The following SCN9A variants were observed in gnomAD, a reference collection of about 807,000 sequenced individuals.
The protein encoded by SCN9A is sodium voltage-gated channel alpha subunit 9, also known as sodium channel protein type 9 subunit alpha.
A neutral mutation model predicts 187.0 loss-of-function variants in SCN9A; 131 were observed. The ratio of observed to expected loss-of-function variants is 0.70; its 90% confidence interval spans 0.61 to 0.81. The LOEUF is 0.81. Ranked by LOEUF, SCN9A falls within the 30% of genes least tolerant of loss-of-function variation. The pLI is 0.00. For missense variants in SCN9A, 2,252 were observed against 2,396.6 expected (o/e 0.94, Z 1.26); for synonymous variants, 809 against 808.6 (o/e 1.00, Z -0.01).
Position 166,210,020 on chromosome 2 carries a change from C to T in SCN9A, c.4399-5556G>A, listed in dbSNP as rs559336165. Among the ~76,000 whole-genome samples the T allele has an allele frequency of 2.6e-3, 392 of 152,142 alleles. 2 individuals are homozygous for T. The highest frequency in any genetic ancestry group is 8.5e-3 in the African/African-American group (352 of 41,522). ...GACGCATGCACACGTATGTTTATTG[C>T]GGCACTATTCACAATAGCAAAGACT... On this transcript the variant is annotated intron_variant, in intron 24 of 26. Transcript: ENST00000642356.
chr2:166,305,563 G>A (rs1698726719), intron 5 of SCN9A, among the ~76,000 whole-genome samples: 1 of 152,072 alleles, frequency 6.6e-6, no homozygotes, highest in Non-Finnish European at 1.5e-5. Context: ...TGAGCATGGA[G>A]GAAGATGATC....
Position 166,251,868 on chromosome 2 carries a change from G to T in SCN9A, c.3369C>A (p.Ser1123Arg). The change falls in exon 18 of 27, where the codon AGC becomes AGA. Residue 1123 changes from serine (S) to arginine (R), a missense_variant. By Grantham distance (110) the Ser-to-Arg change is moderately radical. Transcript: ENST00000642356. ...TATCAACTGTGCTGCACTCTGAGGA[G>T]CTTGACCGGTTTAATCTCTAGAAAG... ...EYSKVRLNRS[S>R]SSECSTVDNP... 6.2e-7 allele frequency: 1 copy of T among 1,612,350 alleles called. No homozygotes were observed.
At chr2:166,244,261 T>C (rs932165578) in intron 18 of SCN9A, among the ~76,000 whole-genome samples, 11 of 151,992 alleles carry the variant, frequency 7.2e-5, no homozygotes, top group Admixed American at 6.6e-5. Flanking sequence ...GTCAGAACAG[T>C]TTTTGAGGTC....
intron 24 of SCN9A, 61 bp downstream of exon 24, chr2:166,226,506 C>A: frequency 1.7e-6 from 2 of 1,188,932 alleles, no homozygotes; most frequent in Non-Finnish European, 2.3e-6. Flanking sequence ...TTTACATTAT[C>A]TTTTTTGGAA....
chr2:166,277,986 A>C (rs910058585), intron 15 of SCN9A, 154 bp downstream of exon 15: 2 of 571,738 alleles, frequency 3.5e-6, no homozygotes, highest in Non-Finnish European at 5.9e-6. Flanking sequence ...TAGTTCTTTA[A>C]GTGCATTTGT....
chr2:166,365,186 G>T (rs1173650374), intron 1 of SCN9A, among the ~76,000 whole-genome samples: 1 of 151,962 alleles, frequency 6.6e-6, no homozygotes, highest in East Asian at 1.9e-4. Flanking sequence ...GAGGTTCCAA[G>T]AATCCAATCC....
In SCN9A at chr2:166,303,223, C is replaced by A; in HGVS notation, c.768G>T (p.Leu256=). The change falls in exon 7 of 27, where the codon CTG becomes CTT. Residue 256 remains leucine, a synonymous_variant. Coordinates refer to ENST00000642356, the MANE Select transcript of SCN9A (RefSeq NM_001365536.1). The part of the protein sequence containing the change: ...SDVMILTVFC[L]SVFALIGLQL... ...GTAGTCCAATTAGTGCAAACACACT[C>A]AGACAGAACACAGTCAGGATCATGA... 3 of 1,613,736 alleles carry A rather than the reference C, an allele frequency of 1.9e-6. No homozygotes were observed. The highest frequency in any genetic ancestry group is 2.5e-6 in the Non-Finnish European group (3 of 1,179,770).
Position 166,300,503 on chromosome 2 carries a change from A to G in SCN9A, c.901+2587T>C, listed in dbSNP as rs182594729. Among the ~76,000 whole-genome samples the G allele has an allele frequency of 3.3e-4, 50 of 151,030 alleles. 5 individuals carry two copies. Among genetic ancestry groups the G allele is most frequent in the Admixed American group, 1.1e-3 (17 of 15,262 alleles). ...GACTCACTTCCTTTGCATGGCATTT[A>G]TTATAACTTGAGATATTTTTAATTT... On this transcript the variant is annotated intron_variant, in intron 7 of 26. Transcript: ENST00000642356.
chr2:166,220,880 T>A (rs1010238583), intron 24 of SCN9A, among the ~76,000 whole-genome samples: 3 of 152,264 alleles, frequency 2.0e-5, no homozygotes, highest in Admixed American at 6.5e-5. Flanking sequence ...TGTTTACAGA[T>A]GACATTATTT....
intron 18 of SCN9A, among the ~76,000 whole-genome samples, chr2:166,246,561 G>A (rs962894007): frequency 2.0e-5 from 3 of 151,656 alleles, no homozygotes; most frequent in Non-Finnish European, 2.9e-5. Flanking sequence ...CAGAGAGAGC[G>A]AAAAAAATGA....
At chr2:166,214,220 T>C (rs963606445) in intron 24 of SCN9A, among the ~76,000 whole-genome samples, 11 of 152,052 alleles carry the variant, frequency 7.2e-5, no homozygotes, top group African/African-American at 1.9e-4. Context: ...AGATAAGCCA[T>C]TGGAGTTTTC....
intron 1 of SCN9A, among the ~76,000 whole-genome samples, chr2:166,369,576 T>C (rs1559068546): frequency 6.6e-6 from 1 of 152,176 alleles, no homozygotes; most frequent in Non-Finnish European, 1.5e-5. Context: ...ATACATATTT[T>C]GTTAAGAGGG....
Position 166,284,626 on chromosome 2 carries a change from T to C in SCN9A, c.1801A>G (p.Asn601Asp). The change falls in exon 12 of 27, where the codon AAC (asparagine) becomes GAC (aspartate). Residue 601 changes from asparagine (N) to aspartate (D), a missense_variant. Asn to Asp is a conservative substitution (Grantham distance 23). Transcript: ENST00000642356. ...PHRPQERRSSNISQASRSPPM... is the reference protein window; with the variant it reads ...PHRPQERRSSDISQASRSPPM... ...GGGGACCTACTGGCTTGGCTGATGT[T>C]ACTGCTGCGTCGCTCCTGGGGTCTG... 2 of 1,614,034 alleles carry C rather than the reference T, an allele frequency of 1.2e-6. No individual in the cohort carries two copies. The highest frequency in any genetic ancestry group is 1.7e-6 in the Non-Finnish European group (2 of 1,179,898).
At chr2:166,323,008 T>G (rs1243958203) in intron 1 of SCN9A, among the ~76,000 whole-genome samples, 1 of 152,206 alleles carries the variant, frequency 6.6e-6, no homozygotes, top group Non-Finnish European at 1.5e-5. Context: ...ACTGCAGAAT[T>G]TCCTTTCTTA....
intron 16 of SCN9A, among the ~76,000 whole-genome samples, chr2:166,275,535 G>T (rs931232325): frequency 2.7e-5 from 4 of 149,736 alleles, no homozygotes; most frequent in Admixed American, 1.3e-4. Flanking sequence ...GGTGAGCCGA[G>T]ATCACATCAT....
chr2:166,250,950 T>C lies in SCN9A; in HGVS notation c.3472+815A>G, dbSNP rs559419636. ...GTAAGGTAGATCATGAAGTTACTAA[T>C]AAAGACTGGAGGAAGCTGTAAACCA... On this transcript the variant is annotated intron_variant, in intron 18 of 26. Transcript: ENST00000642356. 5.3e-5 allele frequency among the ~76,000 whole-genome samples: 8 copies of C among 151,480 alleles called. No homozygotes were observed. In the East Asian group the frequency reaches 1.6e-3, roughly 30 times the overall value.
chr2:166,326,732 A>G (rs1476927148), intron 1 of SCN9A, among the ~76,000 whole-genome samples: 2 of 152,186 alleles, frequency 1.3e-5, no homozygotes, highest in Non-Finnish European at 2.9e-5. Context: ...TAACCATCCT[A>G]CTGACTATTC....
intron 24 of SCN9A, among the ~76,000 whole-genome samples, chr2:166,217,987 T>C (rs976820837): frequency 4.6e-5 from 7 of 151,998 alleles, no homozygotes; most frequent in African/African-American, 7.2e-5. Context: ...GCAAATGTAA[T>C]TGCAGTTTTT....
intron 1 of SCN9A, among the ~76,000 whole-genome samples, chr2:166,337,193 C>G (rs1042931002): frequency 6.6e-6 from 1 of 151,962 alleles, no homozygotes; most frequent in Non-Finnish European, 1.5e-5. Flanking sequence ...CTCGGGATTC[C>G]AGAAGTGAGA....
Sources: gnomAD v4.1 joint callset for allele counts (sites outside exome capture counted in the v4.1 genomes callset) on GRCh38, gnomAD v4.1.1 for gene constraint, MANE v1.5 for transcripts, NCBI Gene and HGNC (gene_info 2026-07-23, HGNC 2026-07-21) for gene names.